XIRP2: variants seen among roughly 807,000 people sequenced by gnomAD.
The protein encoded by XIRP2 is xin actin-binding repeat-containing protein 2.
In XIRP2, 236 loss-of-function variants were observed where a neutral mutation model predicts 277.0. The observed-to-expected ratio is 0.85, with a 90% CI of 0.77 to 0.95. XIRP2 has a LOEUF of 0.95. Among genes scored for constraint, XIRP2 ranks in the 40% least tolerant of loss-of-function variants. XIRP2 has a pLI of 0.00. For synonymous variants in XIRP2, 1,490 were observed against 1,416.5 expected (o/e 1.05, Z -1.17); for missense variants, 4,640 against 4,157.5 (o/e 1.12, Z -3.19).
intron 2 of XIRP2, among the ~76,000 whole-genome samples, chr2:167,122,273 A>G (rs1160174626): frequency 6.6e-6 from 1 of 152,178 alleles, no homozygotes; most frequent in Non-Finnish European, 1.5e-5. Context: ...CCCAACCAAA[A>G]ATGGGGTAAG....
At chr2:167,201,194 GAAAGAAAGAA>G (rs1559018075) in intron 3 of XIRP2, among the ~76,000 whole-genome samples, 192 of 15,608 alleles carry the variant, frequency 0.012, no homozygotes, top group Admixed American at 0.042. Context: ...GAGAGAGAAA[GAAAGAAAGAA>G]AGAAAGAAAG....
intron 3 of XIRP2, among the ~76,000 whole-genome samples, chr2:167,170,539 T>C (rs991490357): frequency 1.3e-5 from 2 of 152,196 alleles, no homozygotes; most frequent in African/African-American, 4.8e-5. Context: ...TGATTAGTGG[T>C]ATCTTTTCAA....
intron 3 of XIRP2, among the ~76,000 whole-genome samples, chr2:167,203,853 T>C (rs922224371): frequency 2.6e-5 from 4 of 152,242 alleles, no homozygotes; most frequent in African/African-American, 9.6e-5. Context: ...GCCTATGATA[T>C]GTGTATTGGT....
chr2:167,156,674 G>A (rs552043702), intron 3 of XIRP2, among the ~76,000 whole-genome samples: 35 of 152,168 alleles, frequency 2.3e-4, no homozygotes, highest in Non-Finnish European at 3.1e-4. Flanking sequence ...ATTATGCTTC[G>A]CAGGCATAAA....
chr2:167,183,360 G>C (rs541517702), intron 3 of XIRP2, among the ~76,000 whole-genome samples: 1 of 152,112 alleles, frequency 6.6e-6, no homozygotes, highest in African/African-American at 2.4e-5. Context: ...TGCAACAAAG[G>C]TTTTAATGGA....
chr2:167,206,142 T>A (rs1356785239), intron 3 of XIRP2, among the ~76,000 whole-genome samples: 2 of 152,216 alleles, frequency 1.3e-5, no homozygotes, highest in Non-Finnish European at 2.9e-5. Flanking sequence ...AGAATTTTTC[T>A]TTTTCCATGA....
At chr2:167,059,730 A>T (rs1689132164) in intron 2 of XIRP2, among the ~76,000 whole-genome samples, 1 of 152,174 alleles carries the variant, frequency 6.6e-6, no homozygotes, top group African/African-American at 2.4e-5. Flanking sequence ...AGATTGTTAC[A>T]TTGGAGACTT....
At chr2:166,911,339 G>A (rs906160906) in intron 2 of XIRP2, among the ~76,000 whole-genome samples, 5 of 152,182 alleles carry the variant, frequency 3.3e-5, no homozygotes, top group Non-Finnish European at 5.9e-5. Context: ...AGCTCTTCTC[G>A]TTGAATTGAT....
chr2:167,242,195 C>G (rs1349237102), intron 8 of XIRP2, among the ~76,000 whole-genome samples: 1 of 152,162 alleles, frequency 6.6e-6, no homozygotes, highest in Non-Finnish European at 1.5e-5. Context: ...GATGCTTACT[C>G]TGTTCTGTTT....
Position 167,245,469 on chromosome 2 carries a change from A to T in XIRP2, c.4077A>T (p.Leu1359Phe). ...GTRWLFETKP[L>F]DSINKSETVY... is the part of the protein sequence containing the mutation. The stretch of plus-strand genomic sequence containing the variant: ...GGTGGCTTTTTGAAACAAAGCCATT[A>T]GACTCTATTAATAAATCAGAAACTG... The change falls in exon 9 of 11, where the codon TTA becomes TTT. Residue 1359 changes from leucine (L) to phenylalanine (F), a missense_variant. Physicochemically the swap from Leu to Phe is conservative, Grantham distance 22. Coordinates refer to ENST00000409195, the MANE Select transcript of XIRP2 (RefSeq NM_152381.6). The T allele has an allele frequency of 1.2e-6, 2 of 1,613,620 alleles. No individual in the cohort carries two copies. The highest frequency in any genetic ancestry group is 1.7e-6 in the Non-Finnish European group (2 of 1,179,720).
intron 2 of XIRP2, among the ~76,000 whole-genome samples, chr2:166,922,175 T>C (rs1313281370): frequency 1.3e-5 from 2 of 152,162 alleles, no homozygotes; most frequent in Admixed American, 6.6e-5. Flanking sequence ...GGCTTGAATA[T>C]GCAGCTAGCT....
intron 2 of XIRP2, among the ~76,000 whole-genome samples, chr2:167,042,634 G>A (rs527642501): frequency 3.9e-5 from 6 of 152,132 alleles, no homozygotes; most frequent in Admixed American, 1.3e-4. Context: ...AATAATGAAG[G>A]GTTCAATTCA....
chr2:167,073,487 G>A (rs546810271), intron 2 of XIRP2, among the ~76,000 whole-genome samples: 1 of 151,746 alleles, frequency 6.6e-6, no homozygotes, highest in Non-Finnish European at 1.5e-5. Flanking sequence ...TATTTCAGTG[G>A]GTCTGTCACT....
At chr2:166,933,169 GAC>G (rs1426065468) in intron 2 of XIRP2, among the ~76,000 whole-genome samples, 2 of 147,550 alleles carry the variant, frequency 1.4e-5, no homozygotes, top group Non-Finnish European at 3.0e-5. Flanking sequence ...TTTTTTTTGA[GAC>G]AGAGACTTGC....
chr2:167,062,095 A>G (rs549733295), intron 2 of XIRP2, among the ~76,000 whole-genome samples: 51 of 152,210 alleles, frequency 3.4e-4, no homozygotes, highest in Non-Finnish European at 6.3e-4. Context: ...ATTTATTTTT[A>G]TCTTATAGTC....
intron 3 of XIRP2, among the ~76,000 whole-genome samples, chr2:167,176,562 T>C (rs11887798): frequency 0.025 from 3,839 of 152,306 alleles, 69 homozygotes; most frequent in East Asian, 0.048. Context: ...GGTCACGTGT[T>C]CTTGCTTCCT....
chr2:167,135,839 C>A, intron 2 of XIRP2, 70 bp from the exon 3 acceptor site: 2 of 1,366,332 alleles, frequency 1.5e-6, no homozygotes, highest in Non-Finnish European at 1.9e-6. Context: ...TGCCTTCTAA[C>A]CCCCCTAAAA....
At chr2:167,219,110 G>A (rs186971913) in intron 5 of XIRP2, among the ~76,000 whole-genome samples, 2,722 of 152,078 alleles carry the variant, frequency 0.018, 35 homozygotes, top group Non-Finnish European at 0.026. Flanking sequence ...TGAAGCAATT[G>A]CGTGCTATGT....
At chr2:166,891,707 G>C (rs562167654) in intron 1 of XIRP2, among the ~76,000 whole-genome samples, 13 of 151,952 alleles carry the variant, frequency 8.6e-5, no homozygotes, top group Non-Finnish European at 1.0e-4. Flanking sequence ...ATTGTTGTCT[G>C]ATAATCTTTC....
Sources: gnomAD v4.1 joint callset for allele counts (sites outside exome capture counted in the v4.1 genomes callset) on GRCh38, gnomAD v4.1.1 for gene constraint, MANE v1.5 for transcripts, NCBI Gene and HGNC (gene_info 2026-07-23, HGNC 2026-07-21) for gene names.